DMD: variants seen among roughly 807,000 people sequenced by gnomAD.
DMD encodes the protein mutant dystrophin.
A neutral mutation model predicts 330.1 loss-of-function variants in DMD; 63 were observed. The observed-to-expected ratio is 0.19, with a 90% CI of 0.16 to 0.24. DMD has a LOEUF of 0.24. DMD is among the 10% of genes least tolerant of loss of function. The pLI is 1.00. For missense variants in DMD, 3,344 were observed against 2,684.1 expected, an observed-to-expected ratio of 1.25 and a Z score of -5.43; for synonymous variants, 1,223 against 959.8, an observed-to-expected ratio of 1.27 and a Z score of -5.07.
At chrX:33,013,045 T>TG (rs1321072419) in intron 2 of DMD, among the ~76,000 whole-genome samples, 1 of 110,830 alleles carries the variant, frequency 9.0e-6, no homozygotes, top group East Asian at 2.9e-4. Flanking sequence ...CCAACCCCCC[T>TG]GCCTGCTTCT....
At chrX:31,368,004 T>C in intron 60 of DMD, among the ~76,000 whole-genome samples, 1 of 112,149 alleles carries the variant, frequency 8.9e-6, no homozygotes, top group Admixed American at 9.4e-5. Flanking sequence ...TCACATCTTG[T>C]CAGCCCACCT....
chrX:33,146,613 G>C (rs73621878), intron 1 of DMD, among the ~76,000 whole-genome samples: 2,477 of 110,351 alleles, frequency 0.022, 74 homozygotes, highest in African/African-American at 0.076. Context: ...ATTCCAAGTC[G>C]GGCTTTTCAG....
At chrX:31,590,699 C>A (rs111434741) in intron 55 of DMD, among the ~76,000 whole-genome samples, 14,414 of 111,047 alleles carry the variant, frequency 0.13, 795 homozygotes, top group Middle Eastern at 0.24. Context: ...AGTTTTTGCG[C>A]TTTTAAAATA....
chrX:32,308,677 A>G (rs1322065093), intron 42 of DMD, among the ~76,000 whole-genome samples: 1 of 111,036 alleles, frequency 9.0e-6, no homozygotes, highest in Non-Finnish European at 1.9e-5. Flanking sequence ...TATTAAATAG[A>G]TCAGGATGAA....
chrX:32,584,322 A>G (rs770065194), intron 13 of DMD, among the ~76,000 whole-genome samples: 1 of 112,110 alleles, frequency 8.9e-6, no homozygotes, highest in Non-Finnish European at 1.9e-5. Flanking sequence ...TTCATTTACT[A>G]CTGGTGAGAA....
chrX:32,585,065 C>T (rs1417371755), intron 13 of DMD, among the ~76,000 whole-genome samples: 2 of 110,953 alleles, frequency 1.8e-5, no homozygotes, highest in African/African-American at 3.3e-5. Context: ...AACTGGAGGT[C>T]ATTATGTTAA....
Position 33,013,091 on chromosome X carries a change from A to T in DMD, c.93+7048T>A, listed in dbSNP as rs775539733. Among the ~76,000 whole-genome samples, 60 of 110,655 alleles carry T rather than the reference A, an allele frequency of 5.4e-4. 1 individual carries two copies. Among genetic ancestry groups the T allele is most frequent in the Non-Finnish European group, 6.6e-4 (35 of 52,813 alleles). On this transcript the variant is annotated intron_variant, in intron 2 of 78. Transcript: ENST00000357033. ...ATCAATTTGATGATTTGTCCCAAAA[A>T]TGCATTATTGGGTAGGTGGAATTTT...
chrX:33,093,998 G>A (rs936533612), intron 1 of DMD, among the ~76,000 whole-genome samples: 1 of 110,840 alleles, frequency 9.0e-6, no homozygotes, highest in Non-Finnish European at 1.9e-5. Context: ...GAGTTTATAC[G>A]CACCTTAAAA....
intron 11 of DMD, among the ~76,000 whole-genome samples, chrX:32,615,698 AGT>A (rs2057509870): frequency 9.0e-6 from 1 of 111,326 alleles, no homozygotes; most frequent in Admixed American, 9.6e-5. Flanking sequence ...CATAGCTGAG[AGT>A]GTTTTTTAAC....
intron 55 of DMD, among the ~76,000 whole-genome samples, chrX:31,559,640 C>CAAAAAAAAAA (rs1167550498): frequency 7.9e-4 from 17 of 21,638 alleles, no homozygotes; most frequent in East Asian, 1.5e-3. Context: ...AACTCCGTCT[C>CAAAAAAAAAA]AAAAAAAAAA....
intron 9 of DMD, among the ~76,000 whole-genome samples, chrX:32,649,658 A>G (rs1397241572): frequency 9.1e-6 from 1 of 109,805 alleles, no homozygotes; most frequent in African/African-American, 3.3e-5. Context: ...CAATGTCTAG[A>G]AAAATCTCTA....
chrX:32,390,937 A>G (rs2097997621), intron 30 of DMD, among the ~76,000 whole-genome samples: 1 of 112,197 alleles, frequency 8.9e-6, no homozygotes, highest in Admixed American at 9.5e-5. Flanking sequence ...TCTGATAGAT[A>G]TTTGATGGCT....
chrX:31,483,452 A>G (rs2146916307), intron 57 of DMD, among the ~76,000 whole-genome samples: 1 of 112,633 alleles, frequency 8.9e-6, no homozygotes, highest in African/African-American at 3.2e-5. Context: ...AAAACTGGAC[A>G]GTAAATAATT....
intron 43 of DMD, among the ~76,000 whole-genome samples, chrX:32,275,141 C>G (rs150752106): frequency 0.014 from 1,567 of 111,675 alleles, 34 homozygotes; most frequent in African/African-American, 0.048. Context: ...AACACTTGAA[C>G]AGAGCAGTGT....
intron 29 of DMD, among the ~76,000 whole-genome samples, chrX:32,433,304 A>C (rs1275713878): frequency 1.8e-5 from 2 of 112,035 alleles, no homozygotes; most frequent in Admixed American, 9.5e-5. Flanking sequence ...TTCAAGTGTA[A>C]AGAGATGGGT....
At chrX:33,235,221 G>A (rs2052455044) in intron 1 of DMD, among the ~76,000 whole-genome samples, 1 of 111,620 alleles carries the variant, frequency 9.0e-6, no homozygotes, top group Non-Finnish European at 1.9e-5. Context: ...TTTTTTGTGA[G>A]CACGCACCAG....
chrX:32,342,895 C>T, intron 40 of DMD: 1 of 436,734 alleles, frequency 2.3e-6, no homozygotes. Flanking sequence ...TACCAGAAAA[C>T]ACATCACATT....
intron 1 of DMD, among the ~76,000 whole-genome samples, chrX:33,305,365 A>G (rs1484690237): frequency 1.0e-5 from 1 of 98,974 alleles, no homozygotes; most frequent in African/African-American, 3.7e-5. Context: ...GGAACTGAAC[A>G]ATGAGAACAC....
intron 52 of DMD, 125 bp from the exon 53 acceptor site, chrX:31,679,711 T>C: frequency 1.7e-6 from 1 of 577,324 alleles, no homozygotes; most frequent in Non-Finnish European, 2.7e-6. Context: ...CATTGTGTTA[T>C]GGCTAGGATG....
Sources: allele counts gnomAD v4.1 joint callset (sites outside exome capture counted in the v4.1 genomes callset), GRCh38; gene constraint gnomAD v4.1.1; transcripts MANE v1.5; gene names NCBI Gene and HGNC (gene_info 2026-07-23, HGNC 2026-07-21).